Variants in CREBBP observed in about 807,000 individuals in gnomAD.
CREBBP encodes the protein CREB-binding protein.
In CREBBP, 19 loss-of-function variants were observed where a neutral mutation model predicts 265.0. The ratio of observed to expected loss-of-function variants is 0.07; its 90% CI spans 0.05 to 0.11. The LOEUF (loss-of-function observed/expected upper bound fraction) is 0.11. CREBBP is among the 10% of genes least tolerant of loss of function. CREBBP has a pLI of 1.00. For missense variants in CREBBP, 2,525 were observed against 3,219.0 expected, an observed-to-expected ratio of 0.78 and a Z score of 5.22; for synonymous variants, 1,457 against 1,223.7, an observed-to-expected ratio of 1.19 and a Z score of -3.98.
intron 2 of CREBBP, among the ~76,000 whole-genome samples, chr16:3,845,229 T>A (rs1190683882): frequency 6.6e-6 from 1 of 152,202 alleles, no homozygotes; most frequent in Non-Finnish European, 1.5e-5. Context: ...GGTTCAGGCA[T>A]CATATTTTTA....
At chr16:3,801,384 G>A (rs897304293) in intron 3 of CREBBP, among the ~76,000 whole-genome samples, 10 of 152,148 alleles carry the variant, frequency 6.6e-5, no homozygotes, top group African/African-American at 2.4e-4. Flanking sequence ...TAAAGGACAG[G>A]GTGGGCTGGG....
At chr16:3,762,246 C>T (rs1324518842) in intron 16 of CREBBP, among the ~76,000 whole-genome samples, 4 of 152,284 alleles carry the variant, frequency 2.6e-5, no homozygotes, top group African/African-American at 4.8e-5. Flanking sequence ...ACCCTGTCAC[C>T]GCCCCAGTGG....
chr16:3,756,633 A>G (rs1027132650), intron 19 of CREBBP, among the ~76,000 whole-genome samples: 1 of 152,256 alleles, frequency 6.6e-6, no homozygotes, highest in Non-Finnish European at 1.5e-5. Context: ...CTCATTTTGT[A>G]TCGTGCTGCT....
At chr16:3,814,089 G>C (rs769673095) in intron 2 of CREBBP, among the ~76,000 whole-genome samples, 2 of 152,176 alleles carry the variant, frequency 1.3e-5, no homozygotes, top group Non-Finnish European at 2.9e-5. Flanking sequence ...CCCTGCCAGG[G>C]TGAGTATGAG....
intron 2 of CREBBP, among the ~76,000 whole-genome samples, chr16:3,828,906 A>G (rs984546075): frequency 3.3e-5 from 5 of 152,220 alleles, no homozygotes; most frequent in Non-Finnish European, 5.9e-5. Flanking sequence ...CAAAGCACCC[A>G]GCACAGTGCC....
intron 19 of CREBBP, among the ~76,000 whole-genome samples, chr16:3,752,582 A>C (rs1231587398): frequency 1.3e-5 from 2 of 152,164 alleles, no homozygotes; most frequent in Non-Finnish European, 2.9e-5. Flanking sequence ...CCATTTATCA[A>C]TATGAATATA....
chr16:3,733,404 C>T (rs190979865), intron 28 of CREBBP, among the ~76,000 whole-genome samples: 5 of 151,692 alleles, frequency 3.3e-5, no homozygotes, highest in Admixed American at 2.0e-4. Context: ...ACAAGCAGCC[C>T]GAGGAGCCCA....
chr16:3,762,951 CT>C (rs1156572691), intron 16 of CREBBP, among the ~76,000 whole-genome samples: 2 of 151,750 alleles, frequency 1.3e-5, no homozygotes, highest in Non-Finnish European at 2.9e-5. Flanking sequence ...ATTTTTTGTA[CT>C]TTTAGTAGAG....
At chr16:3,784,492 CAT>C (rs1186308300) in intron 5 of CREBBP, 3 of 152,206 alleles carry the variant, frequency 2.0e-5, no homozygotes, top group African/African-American at 7.2e-5. Flanking sequence ...AAACTTTAAA[CAT>C]GTGTCCACCA....
chr16:3,869,613 A>C (rs1311889213), intron 1 of CREBBP, among the ~76,000 whole-genome samples: 2 of 152,200 alleles, frequency 1.3e-5, no homozygotes, highest in Non-Finnish European at 2.9e-5. Context: ...GGTAACATTT[A>C]AAATTTAGTT....
At chr16:3,847,306 T>G (rs1273629953) in intron 2 of CREBBP, among the ~76,000 whole-genome samples, 1 of 152,224 alleles carries the variant, frequency 6.6e-6, no homozygotes, top group African/African-American at 2.4e-5. Context: ...TAGGATATAC[T>G]TCCTGTGTAA....
At chr16:3,763,430 G>A (rs2052769946) in intron 16 of CREBBP, among the ~76,000 whole-genome samples, 1 of 152,004 alleles carries the variant, frequency 6.6e-6, no homozygotes, top group Admixed American at 6.6e-5. Flanking sequence ...AAAAGTGCTG[G>A]AGTTGCAGGT....
intron 1 of CREBBP, among the ~76,000 whole-genome samples, chr16:3,878,784 C>T (rs770555654): frequency 1.1e-4 from 16 of 152,178 alleles, no homozygotes; most frequent in Non-Finnish European, 2.2e-4. Context: ...TTCGCAGCGG[C>T]ACACAAGTTT....
chr16:3,819,561 T>C (rs1219595278), intron 2 of CREBBP, among the ~76,000 whole-genome samples: 2 of 152,192 alleles, frequency 1.3e-5, no homozygotes, highest in African/African-American at 4.8e-5. Context: ...CCGGCTGGGA[T>C]TACTGGCATT....
intron 3 of CREBBP, among the ~76,000 whole-genome samples, chr16:3,794,768 C>G (rs1394471737): frequency 6.6e-6 from 1 of 152,206 alleles, no homozygotes; most frequent in African/African-American, 2.4e-5. Context: ...TATAAGCATT[C>G]TTCAGATAAA....
intron 16 of CREBBP, 130 bp downstream of exon 16, chr16:3,767,590 G>A (rs2052885802): frequency 8.0e-7 from 1 of 1,250,846 alleles, no homozygotes; most frequent in Non-Finnish European, 1.1e-6. Context: ...AAAGTCTGGG[G>A]AATGGCAGGC....
chr16:3,818,936 G>C (rs1225915611), intron 2 of CREBBP, among the ~76,000 whole-genome samples: 2 of 152,222 alleles, frequency 1.3e-5, no homozygotes, highest in East Asian at 3.8e-4. Flanking sequence ...CTCAGCAGAC[G>C]CTCCCCACAG....
chr16:3,807,929 G>A (rs2053862101), intron 3 of CREBBP, among the ~76,000 whole-genome samples: 3 of 152,142 alleles, frequency 2.0e-5, no homozygotes, highest in South Asian at 4.1e-4. Context: ...GCCCTCCAGG[G>A]TCAGTGGTGT....
Position 3,849,551 on chromosome 16 carries a change from C to T in CREBBP, c.798+746G>A, listed in dbSNP as rs1290147360. ...TTTTTTTTTTTTTTTTTTTTTTTTTCCAAGAGACAGGGTTTCGCCACATTG... is the reference window on the plus strand; with the variant it reads ...TTTTTTTTTTTTTTTTTTTTTTTTTTCAAGAGACAGGGTTTCGCCACATTG... On this transcript the variant is annotated intron_variant, in intron 2 of 30. Coordinates refer to ENST00000262367, the MANE Select transcript of CREBBP (RefSeq NM_004380.3). Among the ~76,000 whole-genome samples, 234 of 76,478 alleles carry T rather than the reference C, an allele frequency of 3.1e-3. 4 individuals carry two copies. The highest frequency in any genetic ancestry group is 4.1e-3 in the East Asian group (10 of 2,452). The allele number at this position is 76,478 out of a possible 152,430, so 50.2% of individuals were successfully genotyped here.
Sources: gnomAD v4.1 joint callset for allele counts (sites outside exome capture counted in the v4.1 genomes callset) on GRCh38, gnomAD v4.1.1 for gene constraint, MANE v1.5 for transcripts, NCBI Gene and HGNC (gene_info 2026-07-23, HGNC 2026-07-21) for gene names.